Variants in NUP214 observed in about 807,000 individuals in gnomAD.
NUP214 encodes the protein nuclear pore complex protein Nup214.
In NUP214, 79 loss-of-function variants were observed where a neutral mutation model predicts 196.2. The observed-to-expected ratio is 0.40, with a 90% confidence interval of 0.34 to 0.49. NUP214 has a LOEUF of 0.49. Among genes scored for constraint, NUP214 ranks in the 20% least tolerant of loss-of-function variants. The probability of loss-of-function intolerance (pLI) is 0.58; values close to 1 mark genes in which losing one functional copy is unlikely to be tolerated. For synonymous variants in NUP214, 1,020 were observed against 990.5 expected (o/e 1.03, Z -0.56); for missense variants, 2,468 against 2,539.0 (o/e 0.97, Z 0.60).
At chr9:131,211,416 A>G (rs774517191) in intron 30 of NUP214, among the ~76,000 whole-genome samples, 1 of 152,142 alleles carries the variant, frequency 6.6e-6, no homozygotes, top group Non-Finnish European at 1.5e-5. Context: ...CCTCTTTCAT[A>G]TCTCGCTTTT....
chr9:131,223,730 T>TATTTATTTATTTATTTA (rs71372705), intron 32 of NUP214, among the ~76,000 whole-genome samples: 10 of 14,434 alleles, frequency 6.9e-4, no homozygotes, highest in South Asian at 4.9e-3. Context: ...TTTATTTATT[T>TATTTATTTATTTATTTA]TTTTTTTTTT....
At chr9:131,176,524 T>G (rs1833126928) in intron 23 of NUP214, among the ~76,000 whole-genome samples, 1 of 151,996 alleles carries the variant, frequency 6.6e-6, no homozygotes, top group Non-Finnish European at 1.5e-5. Flanking sequence ...AGACAGGATT[T>G]CACCATGTTA....
At chr9:131,211,565 C>T (rs1450242683) in intron 30 of NUP214, among the ~76,000 whole-genome samples, 2 of 152,304 alleles carry the variant, frequency 1.3e-5, no homozygotes, top group East Asian at 1.9e-4. Flanking sequence ...AATGGAGGGA[C>T]CTGCTGAAGC....
chr9:131,199,276 G>A (rs1033409528), intron 29 of NUP214, among the ~76,000 whole-genome samples: 4 of 152,052 alleles, frequency 2.6e-5, no homozygotes, highest in Non-Finnish European at 5.9e-5. Flanking sequence ...TGTTTCATGG[G>A]GAAAAATCAA....
At chr9:131,149,735 C>T (rs1201255296) in intron 14 of NUP214, among the ~76,000 whole-genome samples, 2 of 152,060 alleles carry the variant, frequency 1.3e-5, no homozygotes, top group African/African-American at 4.8e-5. Context: ...AGAATAGAAC[C>T]CAAACTCCTT....
intron 24 of NUP214, 141 bp from the exon 25 acceptor site, chr9:131,187,148 A>G: frequency 1.6e-6 from 1 of 634,782 alleles, no homozygotes; most frequent in Non-Finnish European, 2.8e-6. Context: ...AAAAATGTCA[A>G]ATCAGTTGTA....
intron 17 of NUP214, among the ~76,000 whole-genome samples, chr9:131,153,611 A>G (rs1475242785): frequency 6.6e-6 from 1 of 152,238 alleles, no homozygotes; most frequent in Non-Finnish European, 1.5e-5. Context: ...TTAGGGAGAC[A>G]CTTATTCAGG....
Position 131,127,453 on chromosome 9 carries a change from G to C in NUP214, c.46-71G>C, listed in dbSNP as rs1475657863. On this transcript the variant is annotated intron_variant, in intron 1 of 35. Transcript: ENST00000359428. ...ACATATTTTTGTTGTACTGAAATTG[G>C]GTCTACTGAATATAACATGTTTTAA... The C allele has an allele frequency of 3.3e-6, 4 of 1,211,660 alleles. No individual in the cohort carries two copies. In the African/African-American group the frequency reaches 6.1e-5, roughly 18 times the overall value. The allele number at this position is 1,211,660 out of a possible 1,614,324, so 75.1% of individuals were successfully genotyped here.
chr9:131,145,301 T>C (rs1832057124), intron 12 of NUP214, among the ~76,000 whole-genome samples: 1 of 152,168 alleles, frequency 6.6e-6, no homozygotes, highest in African/African-American at 2.4e-5. Context: ...TCATTTCTTA[T>C]TTATTTACTT....
intron 24 of NUP214, among the ~76,000 whole-genome samples, chr9:131,185,406 G>A (rs2131020204): frequency 6.6e-6 from 1 of 152,338 alleles, no homozygotes; most frequent in Admixed American, 6.5e-5. Flanking sequence ...GGCAATGTCA[G>A]TGTCATTTGT....
At chr9:131,221,210 T>C (rs1416201453) in intron 31 of NUP214, among the ~76,000 whole-genome samples, 5 of 152,180 alleles carry the variant, frequency 3.3e-5, no homozygotes, top group Admixed American at 2.0e-4. Context: ...AGGGATACAT[T>C]ATCCTGTGGT....
intron 4 of NUP214, among the ~76,000 whole-genome samples, chr9:131,130,132 G>GTTTTTTT (rs1245763919): frequency 1.3e-4 from 6 of 46,550 alleles, no homozygotes; most frequent in East Asian, 7.0e-4. Flanking sequence ...ATGATTTCTG[G>GTTTTTTT]TTTTGTTTTT....
intron 1 of NUP214, among the ~76,000 whole-genome samples, chr9:131,126,762 C>T (rs1831367911): frequency 6.6e-6 from 1 of 151,970 alleles, no homozygotes. Context: ...GTTGGCCAGG[C>T]TGGTCTCGAA....
chr9:131,132,999 C>G, intron 6 of NUP214, 107 bp from the exon 7 acceptor site: 1 of 855,518 alleles, frequency 1.2e-6, no homozygotes, highest in Non-Finnish European at 1.9e-6. Flanking sequence ...AAATCAGGGC[C>G]TTTGATTTTT....
rs1254847605 is a variant in NUP214 at position 131,201,700 on chromosome 9, G to A, written c.5575G>A (p.Gly1859Arg). ...SVFGQAASTG[G>R]IVFGQQSSSS... Reference sequence around the variant, plus strand: ...GTTTGGTCAAGCAGCCAGTACTGGTGGAATAGTCTTTGGCCAGGTAAATAT... The same window carrying A: ...GTTTGGTCAAGCAGCCAGTACTGGTAGAATAGTCTTTGGCCAGGTAAATAT... Residue 1859 changes from glycine to arginine, a missense_variant, in exon 30 of 36, where the codon GGA becomes AGA. Coordinates refer to ENST00000359428, the MANE Select transcript of NUP214 (RefSeq NM_005085.4). 1.2e-6 allele frequency: 2 copies of A among 1,613,932 alleles called. No homozygotes were observed. The highest frequency in any genetic ancestry group is 2.2e-5 in the South Asian group (2 of 91,070).
chr9:131,159,713 C>T (rs533078550), intron 18 of NUP214, among the ~76,000 whole-genome samples: 3 of 152,138 alleles, frequency 2.0e-5, no homozygotes, highest in East Asian at 1.9e-4. Context: ...CAAAATTAGC[C>T]GGGCATGGTG....
At chr9:131,171,566 GTTATAC>G (rs1241918762) in intron 21 of NUP214, among the ~76,000 whole-genome samples, 7 of 59,352 alleles carry the variant, frequency 1.2e-4, no homozygotes, top group Admixed American at 1.2e-3. Flanking sequence ...TTTTTTTTTT[GTTATAC>G]TTTAAGTTTT....
chr9:131,201,607 C>G (rs1456641660), intron 29 of NUP214, 40 bp from the exon 30 acceptor site: 1 of 1,484,012 alleles, frequency 6.7e-7, no homozygotes, highest in Admixed American at 1.7e-5. Flanking sequence ...AAAGACTCAT[C>G]CAATCCAAAT....
In NUP214 at chr9:131,146,047, A is replaced by G. The variant is rs1175244200; in HGVS notation, c.1770-82A>G. ...AAGTTAACATAAAAGATAATAAGTT[A>G]TCTTTTGATGACATTGCTCATGCTA... On this transcript the variant is annotated intron_variant, in intron 12 of 35. Coordinates refer to ENST00000359428, the MANE Select transcript of NUP214 (RefSeq NM_005085.4). The surrounding 1 kb of genome is among the most constrained non-coding windows in gnomAD (Gnocchi z 4.6). 5.5e-5 allele frequency: 70 copies of G among 1,278,742 alleles called. 1 individual carries two copies. The Middle Eastern group carries it at 1.4e-3, about 25-fold the overall frequency. 79.2% of individuals were successfully genotyped at this position (1,278,742 alleles called of 1,614,324 possible).
Sources: gnomAD v4.1 joint callset for allele counts (sites outside exome capture counted in the v4.1 genomes callset) on GRCh38, gnomAD v4.1.1 for gene constraint, Gnocchi (gnomAD v3.1) non-coding constraint, MANE v1.5 for transcripts, NCBI Gene and HGNC (gene_info 2026-07-23, HGNC 2026-07-21) for gene names.